SEMA3C: variants seen among roughly 807,000 people sequenced by gnomAD.
The protein encoded by SEMA3C is semaphorin 3C, also known as semaphorin-3C.
SEMA3C carries 47 observed loss-of-function variants against 89.4 expected under a neutral mutation model. The ratio of observed to expected loss-of-function variants is 0.53; its 90% CI spans 0.42 to 0.67. The LOEUF (loss-of-function observed/expected upper bound fraction) is 0.67, where lower values mean the gene tolerates loss of function less well. Ranked by LOEUF, SEMA3C falls within the 30% of genes least tolerant of loss-of-function variation. The pLI, the probability that SEMA3C is intolerant of heterozygous loss-of-function variation, is 0.00. For synonymous variants in SEMA3C, 310 were observed against 320.2 expected (o/e 0.97, Z 0.34); for missense variants, 839 against 929.1 (o/e 0.90, Z 1.26).
intron 5 of SEMA3C, among the ~76,000 whole-genome samples, chr7:80,817,094 C>T (rs1300642603): frequency 1.3e-5 from 2 of 152,098 alleles, no homozygotes; most frequent in African/African-American, 2.4e-5. Flanking sequence ...CTGTATTCTT[C>T]CAAAAAGCAT....
At position 80,742,549 on chromosome 7, in the gene SEMA3C, A is replaced by G. The variant is rs1787706932; in HGVS notation, c.*2345T>C. 1 of 152,046 alleles carries G rather than the reference A, an allele frequency of 6.6e-6. No homozygotes were observed. Among genetic ancestry groups the G allele is most frequent in the Non-Finnish European group, 1.5e-5 (1 of 67,902 alleles). 9.4% of individuals were successfully genotyped at this position (152,046 alleles called of 1,614,324 possible). On this transcript the variant is annotated 3_prime_UTR_variant, in exon 18 of 18. Transcript: ENST00000265361. Reference sequence around the variant, plus strand: ...GCTAGAAACATAACTGGGGAATTCAACATGTTTTATTTTGCCAGGCCAATG... The same window carrying G: ...GCTAGAAACATAACTGGGGAATTCAGCATGTTTTATTTTGCCAGGCCAATG...
intron 11 of SEMA3C, among the ~76,000 whole-genome samples, chr7:80,794,500 G>A (rs1159554337): frequency 2.6e-5 from 4 of 152,034 alleles, no homozygotes. Flanking sequence ...ACAACCAGAA[G>A]ACGTATGTAA....
chr7:80,913,725 T>A (rs186111883), intron 2 of SEMA3C, among the ~76,000 whole-genome samples: 1 of 152,328 alleles, frequency 6.6e-6, no homozygotes, highest in East Asian at 1.9e-4. Flanking sequence ...AACTAATTAA[T>A]AACATCTGAA....
At chr7:80,856,209 A>T (rs1790636389) in intron 2 of SEMA3C, among the ~76,000 whole-genome samples, 1 of 152,124 alleles carries the variant, frequency 6.6e-6, no homozygotes, top group Admixed American at 6.5e-5. Context: ...TCAGGATAAC[A>T]ATGGATTTGA....
Position 80,743,129 on chromosome 7 carries a change from G to C in SEMA3C, c.*1765C>G, listed in dbSNP as rs539130106. 6.6e-6 allele frequency: 1 copy of C among 151,832 alleles called. No individual in the cohort carries two copies. The highest frequency in any genetic ancestry group is 1.5e-5 in the Non-Finnish European group (1 of 67,824). 9.4% of individuals were successfully genotyped at this position (151,832 alleles called of 1,614,324 possible). ...TGTGTCAATGTAGAAGAGAAAAGAAGTTTAATTATACCTTTTAAGCAGGCA... is the reference window on the plus strand; with the variant it reads ...TGTGTCAATGTAGAAGAGAAAAGAACTTTAATTATACCTTTTAAGCAGGCA... On this transcript the variant is annotated 3_prime_UTR_variant, in exon 18 of 18. Coordinates refer to ENST00000265361, the MANE Select transcript of SEMA3C (RefSeq NM_006379.5).
chr7:80,861,322 T>C (rs1357558172), intron 2 of SEMA3C, among the ~76,000 whole-genome samples: 1 of 152,174 alleles, frequency 6.6e-6, no homozygotes, highest in African/African-American at 2.4e-5. Context: ...TATTACAAAA[T>C]GATTCAGTTA....
At chr7:80,921,722 G>A (rs1792412682), upstream of SEMA3C, among the ~76,000 whole-genome samples, 1 of 152,216 alleles carries the variant, frequency 6.6e-6, no homozygotes, top group African/African-American at 2.4e-5. Flanking sequence ...AAAATACTTA[G>A]GATAACTTTT....
chr7:80,901,034 A>G (rs1268581155), intron 2 of SEMA3C, among the ~76,000 whole-genome samples: 1 of 152,218 alleles, frequency 6.6e-6, no homozygotes, highest in Non-Finnish European at 1.5e-5. Context: ...CAGTTCTGGC[A>G]TAACTGGATG....
rs534786043 is a variant in SEMA3C, at chr7:80,786,578, C to CT, written c.1354+2727dup. ...GAAAACTGTTTTTCTAACACAAACT[C>CT]TAAGTTGAATGATCTGAGCTAAGGC... is the stretch of plus-strand genomic sequence containing the variant. On this transcript the variant is annotated intron_variant, in intron 12 of 17. Transcript: ENST00000265361. 4.6e-5 allele frequency among the ~76,000 whole-genome samples: 7 copies of CT among 152,282 alleles called. No individual in the cohort carries two copies. The South Asian group carries it at 8.3e-4, about 18-fold the overall frequency.
intron 2 of SEMA3C, among the ~76,000 whole-genome samples, chr7:80,867,599 G>C (rs1271625778): frequency 6.6e-6 from 1 of 152,134 alleles, no homozygotes; most frequent in Non-Finnish European, 1.5e-5. Context: ...GAAACTGCTA[G>C]TACAGGCAGG....
Position 80,743,978 on chromosome 7 carries a change from CTTTGA to C in SEMA3C, c.*911_*915del, listed in dbSNP as rs1268311004. 1 of 151,954 alleles carries C rather than the reference CTTTGA, an allele frequency of 6.6e-6. No homozygotes were observed. The highest frequency in any genetic ancestry group is 1.5e-5 in the Non-Finnish European group (1 of 67,904). The allele number at this position is 151,954 out of a possible 1,614,324, so 9.4% of individuals were successfully genotyped here. A position where few individuals can be genotyped will look rare whatever the true frequency, so the allele number is the denominator to read the frequency against. ...CCTCTTAAAAAATTAGTAGTTTCTA[CTTTGA>C]TTTTTCTTTTTGATGATTTCACACC... On this transcript the variant is annotated 3_prime_UTR_variant, in exon 18 of 18. Transcript: ENST00000265361.
At chr7:80,860,170 A>C (rs2115984136) in intron 2 of SEMA3C, among the ~76,000 whole-genome samples, 1 of 152,218 alleles carries the variant, frequency 6.6e-6, no homozygotes, top group Admixed American at 6.5e-5. Flanking sequence ...TCCAAGAATA[A>C]ATGAACTATT....
rs190316078 is a variant in SEMA3C at position 80,849,529 on chromosome 7, A to T, written c.104-20784T>A. Among the ~76,000 whole-genome samples, 59 of 152,328 alleles carry T rather than the reference A, an allele frequency of 3.9e-4. No individual in the cohort carries two copies. The Middle Eastern group carries it at 0.02, about 53-fold the overall frequency. Reference sequence around the variant, plus strand: ...AGACGGGCATTAATGAATATATTAGATAATGATGCACCTTTTCATAACTGA... The same window carrying T: ...AGACGGGCATTAATGAATATATTAGTTAATGATGCACCTTTTCATAACTGA... On this transcript the variant is annotated intron_variant, in intron 2 of 17. Transcript: ENST00000265361.
intron 2 of SEMA3C, among the ~76,000 whole-genome samples, chr7:80,892,147 C>T (rs779530016): frequency 1.3e-5 from 2 of 151,998 alleles, no homozygotes; most frequent in Non-Finnish European, 2.9e-5. Context: ...GGATCACAGA[C>T]AAAAATCATT....
At chr7:80,844,718 A>C (rs1261475026) in intron 2 of SEMA3C, among the ~76,000 whole-genome samples, 1 of 152,160 alleles carries the variant, frequency 6.6e-6, no homozygotes, top group South Asian at 2.1e-4. Context: ...AAAAATGGCC[A>C]GTGGGAGAAA....
At chr7:80,824,256 C>T (rs1269249345) in intron 4 of SEMA3C, among the ~76,000 whole-genome samples, 1 of 151,958 alleles carries the variant, frequency 6.6e-6, no homozygotes, top group Non-Finnish European at 1.5e-5. Context: ...AAAGTTTTAG[C>T]TTAATGAAAA....
intron 4 of SEMA3C, among the ~76,000 whole-genome samples, chr7:80,823,798 C>A (rs181191923): frequency 1.3e-5 from 2 of 151,994 alleles, no homozygotes; most frequent in Admixed American, 6.6e-5. Context: ...ATCCATTAAG[C>A]CCTATTTCAT....
chr7:80,876,162 G>A (rs1042868337), intron 2 of SEMA3C, among the ~76,000 whole-genome samples: 1 of 152,050 alleles, frequency 6.6e-6, no homozygotes, highest in Non-Finnish European at 1.5e-5. Flanking sequence ...GATAAAAAGG[G>A]ACTACTGTAT....
chr7:80,840,351 C>G (rs1790233797), intron 2 of SEMA3C, among the ~76,000 whole-genome samples: 1 of 151,648 alleles, frequency 6.6e-6, no homozygotes, highest in Non-Finnish European at 1.5e-5. Flanking sequence ...AAGACCATGT[C>G]TCTACAAAAA....
Sources: allele counts gnomAD v4.1 joint callset (sites outside exome capture counted in the v4.1 genomes callset), GRCh38; gene constraint gnomAD v4.1.1; transcripts MANE v1.5; gene names NCBI Gene and HGNC (gene_info 2026-07-23, HGNC 2026-07-21).